METRN: variants seen among roughly 807,000 people sequenced by gnomAD.
METRN encodes the protein meteorin.
In METRN, 17 loss-of-function variants were observed where a neutral mutation model predicts 17.4. The observed-to-expected ratio is 0.98, with a 90% CI of 0.67 to 1.46. The LOEUF is 1.46. Ranked by LOEUF, METRN falls within the 40% of genes most tolerant of loss-of-function variation. METRN has a pLI of 0.00. For synonymous variants in METRN, 230 were observed against 210.8 expected (o/e 1.09, Z -0.79); for missense variants, 489 against 456.2 (o/e 1.07, Z -0.65).
rs531574768 is a variant in METRN at position 715,570 on chromosome 16, C to G, written c.105-14C>G. 1.1e-5 allele frequency: 14 copies of G among 1,323,224 alleles called. No homozygotes were observed. Among genetic ancestry groups the G allele is most frequent in the African/African-American group, 4.6e-5 (3 of 64,826 alleles). The allele number at this position is 1,323,224 out of a possible 1,614,324, so 82.0% of individuals were successfully genotyped here. On this transcript the variant is annotated splice_polypyrimidine_tract_variant and intron_variant, in intron 1 of 3. Coordinates refer to ENST00000568223, the MANE Select transcript of METRN (RefSeq NM_024042.4). Reference sequence around the variant, plus strand: ...CCGCCCCCGTCTCAGCGCCCCGTCCCGTCCTGTCCCCAGCGGCCTCACCCA... The same window carrying G: ...CCGCCCCCGTCTCAGCGCCCCGTCCGGTCCTGTCCCCAGCGGCCTCACCCA...
In METRN at chr16:717,724, T is replaced by A; in HGVS notation, c.*337T>A. On this transcript the variant is annotated 3_prime_UTR_variant, in exon 4 of 4. Transcript: ENST00000568223. ...CCTGCACTCATGCAAGCTTCTGCTC[T>A]GCTGCACCCACCAGCCCCGTCCTTG... 3.6e-6 allele frequency: 1 copy of A among 276,206 alleles called. No individual in the cohort carries two copies. Among genetic ancestry groups the A allele is most frequent in the Non-Finnish European group, 6.8e-6 (1 of 148,040 alleles). 17.1% of individuals were successfully genotyped at this position (276,206 alleles called of 1,614,324 possible).
In METRN at chr16:717,417, G is replaced by A; in HGVS notation, c.*30G>A. 8.0e-7 allele frequency: 1 copy of A among 1,245,292 alleles called. No individual in the cohort carries two copies. The highest frequency in any genetic ancestry group is 1.5e-5 in the African/African-American group (1 of 65,542). 77.1% of individuals were successfully genotyped at this position (1,245,292 alleles called of 1,614,324 possible). On this transcript the variant is annotated 3_prime_UTR_variant, in exon 4 of 4. Transcript: ENST00000568223. ...CTGGGTGCTGGGGAGGGGCTGGTAGGAGGGAGGGTGGGCCCACTGCTTTGG... is the reference window on the plus strand; with the variant it reads ...CTGGGTGCTGGGGAGGGGCTGGTAGAAGGGAGGGTGGGCCCACTGCTTTGG...
In METRN at chr16:717,236, T is replaced by C; in HGVS notation, c.731T>C (p.Val244Ala). 2 of 1,579,898 alleles carry C rather than the reference T, an allele frequency of 1.3e-6. No homozygotes were observed. Among genetic ancestry groups the C allele is most frequent in the South Asian group, 1.1e-5 (1 of 87,656 alleles). ...ATTCGTACCCCACTGCGCTGTGGCG[T>C]CCACCCGGGCCCAGGCACCTTCCTC... is the stretch of plus-strand genomic sequence containing the variant. ...TSIRTPLRCG[V>A]HPGPGTFLFM... Residue 244 changes from valine to alanine, a missense_variant, in exon 4 of 4, where the codon GTC (valine) becomes GCC (alanine). Coordinates refer to ENST00000568223, the MANE Select transcript of METRN (RefSeq NM_024042.4).
Position 717,164 on chromosome 16 carries a change from C to A in METRN, c.659C>A (p.Pro220Gln). 6.2e-7 allele frequency: 1 copy of A among 1,604,764 alleles called. No individual in the cohort carries two copies. Among genetic ancestry groups the A allele is most frequent in the Non-Finnish European group, 8.5e-7 (1 of 1,176,370 alleles). ...VVAARVLRQTPPLFQAGRSGD... is the reference protein window; with the variant it reads ...VVAARVLRQTQPLFQAGRSGD... ...GCCGCCCGTGTCCTCCGCCAGACAC[C>A]GCCGCTGTTCCAGGCGGGGCGATCC... Residue 220 changes from proline (P) to glutamine (Q), a missense_variant, in exon 4 of 4, where the codon CCG (proline) becomes CAG (glutamine). Physicochemically the swap from Pro to Gln is moderately conservative, Grantham distance 76. Transcript: ENST00000568223.
At position 717,066 on chromosome 16, in the gene METRN, C is replaced by T. The variant is rs1256709294; in HGVS notation, c.566-5C>T. The T allele has an allele frequency of 6.2e-7, 1 of 1,611,418 alleles. No homozygotes were observed. Among genetic ancestry groups the T allele is most frequent in the Non-Finnish European group, 8.5e-7 (1 of 1,179,152 alleles). ...TGCCTACCGCAGCCACATGCCTCCC[C>T]ACAGTAATTCACGGGATCATCCATG... On this transcript the variant is annotated splice_polypyrimidine_tract_variant and splice_region_variant and intron_variant, in intron 3 of 3. Transcript: ENST00000568223.
rs764726516 is a variant in METRN at position 715,941 on chromosome 16, G to A, written c.462G>A (p.Gly154=). Reference sequence around the variant, plus strand: ...TCCGCTTTGAGCTGCGCGAGGACGGGCGCCCCGAGCTGCCCCCGCAGGCCC... The same window carrying A: ...TCCGCTTTGAGCTGCGCGAGGACGGACGCCCCGAGCTGCCCCCGCAGGCCC... ...AAFRFELRED[G]RPELPPQAHG... Residue 154 remains glycine, a synonymous_variant, in exon 2 of 4, where the codon GGG becomes GGA. Coordinates refer to ENST00000568223, the MANE Select transcript of METRN (RefSeq NM_024042.4). 13 of 1,498,866 alleles carry A rather than the reference G, an allele frequency of 8.7e-6. No homozygotes were observed. Among genetic ancestry groups the A allele is most frequent in the Middle Eastern group, 1.7e-4 (1 of 5,806 alleles). 92.8% of individuals were successfully genotyped at this position (1,498,866 alleles called of 1,614,324 possible).
rs2040153771 is a variant in METRN at position 715,646 on chromosome 16, T to TACCCTGGCC, written c.167_168insACCCTGGCC (p.Val56_Glu57insProTrpPro). ...GCCCTGGCCTGTGCGGAGGGCGCGG[T>TACCCTGGCC]TGAGTGGCTGTACCCGGCTGGGGCG... On this transcript the variant is annotated inframe_insertion, in exon 2 of 4. Coordinates refer to ENST00000568223, the MANE Select transcript of METRN (RefSeq NM_024042.4). 26 of 1,436,416 alleles carry TACCCTGGCC rather than the reference T, an allele frequency of 1.8e-5. No homozygotes were observed. The highest frequency in any genetic ancestry group is 2.3e-5 in the Non-Finnish European group (25 of 1,100,550). The allele number at this position is 1,436,416 out of a possible 1,614,324, so 89.0% of individuals were successfully genotyped here.
At chr16:716,315 TC>T in intron 2 of METRN, 1 of 1,390,450 alleles carries the variant, frequency 7.2e-7, no homozygotes, top group South Asian at 1.7e-5. Flanking sequence ...TGTCCGGGGC[TC>T]CCTGGCCCAG....
Position 715,712 on chromosome 16 carries a change from C to T in METRN, c.233C>T (p.Pro78Leu). The change falls in exon 2 of 4, where the codon CCC becomes CTC. Residue 78 changes from proline to leucine, a missense_variant. Pro to Leu is a moderately conservative substitution (Grantham distance 98, BLOSUM62 -3). Transcript: ENST00000568223. Reference sequence around the variant, plus strand: ...GGCGGCCCCGATCCCAGAGCGCGGCCCGGCATCGCCTGTCTGCGGCCGGTG... The same window carrying T: ...GGCGGCCCCGATCCCAGAGCGCGGCTCGGCATCGCCTGTCTGCGGCCGGTG... ...TLGGPDPRARPGIACLRPVRP... is the reference protein window; with the variant it reads ...TLGGPDPRARLGIACLRPVRP... 1 of 1,371,876 alleles carries T rather than the reference C, an allele frequency of 7.3e-7. No individual in the cohort carries two copies. Among genetic ancestry groups the T allele is most frequent in the Non-Finnish European group, 9.4e-7 (1 of 1,065,938 alleles). The allele number at this position is 1,371,876 out of a possible 1,614,324, so 85.0% of individuals were successfully genotyped here.
rs531600041 is a variant in METRN at position 717,909 on chromosome 16, T to G, written c.*522T>G. 3.5e-3 allele frequency: 533 copies of G among 152,990 alleles called. 1 individual carries two copies. Among genetic ancestry groups the G allele is most frequent in the Non-Finnish European group, 5.4e-3 (371 of 68,568 alleles). The allele number at this position is 152,990 out of a possible 1,614,324, so 9.5% of individuals were successfully genotyped here. Reference sequence around the variant, plus strand: ...GCGCTCCGGCTCTGAGCCAGGCCTGTGAGGGAAGGGGCTGCAGGCTGGCAG... The same window carrying G: ...GCGCTCCGGCTCTGAGCCAGGCCTGGGAGGGAAGGGGCTGCAGGCTGGCAG... On this transcript the variant is annotated 3_prime_UTR_variant, in exon 4 of 4. Transcript: ENST00000568223.
chr16:719,640 C>T lies in METRN; in HGVS notation c.*2253C>T, dbSNP rs1311624378. ...TGGTGAAACCGTCTCTAATAAAACA[C>T]AAAAAATTAGCCAGACATGGTGGCA... On this transcript the variant is annotated 3_prime_UTR_variant, in exon 4 of 4. Transcript: ENST00000568223. 6.6e-6 allele frequency: 1 copy of T among 151,734 alleles called. No individual in the cohort carries two copies. Among genetic ancestry groups the T allele is most frequent in the African/African-American group, 2.4e-5 (1 of 41,318 alleles). 9.4% of individuals were successfully genotyped at this position (151,734 alleles called of 1,614,324 possible).
At position 719,026 on chromosome 16, in the gene METRN, G is replaced by C. The variant is rs12597195; in HGVS notation, c.*1639G>C. On this transcript the variant is annotated 3_prime_UTR_variant, in exon 4 of 4. Transcript: ENST00000568223. ...TCTTGGAGAGGCTTTCCCGTGGGCCGAGCAACCCCCTTACCTTTGGCACTT... is the reference window on the plus strand; with the variant it reads ...TCTTGGAGAGGCTTTCCCGTGGGCCCAGCAACCCCCTTACCTTTGGCACTT... The C allele has an allele frequency of 0.24, 36,504 of 152,250 alleles. 5,257 individuals carry two copies. Among genetic ancestry groups the C allele is most frequent in the East Asian group, 0.58 (3,002 of 5,158 alleles). 9.4% of individuals were successfully genotyped at this position (152,250 alleles called of 1,614,324 possible). A position where few individuals can be genotyped will look rare whatever the true frequency, so the allele number is the denominator to read the frequency against.
chr16:716,154 C>T (rs2040160222), intron 2 of METRN, 170 bp downstream of exon 2: 1 of 985,330 alleles, frequency 1.0e-6, no homozygotes, highest in African/African-American at 1.7e-5. Flanking sequence ...GGATGGCCTC[C>T]CCGCCCTCCC....
Position 717,659 on chromosome 16 carries a change from T to G in METRN, c.*272T>G. 30 of 352,216 alleles carry G rather than the reference T, an allele frequency of 8.5e-5. No individual in the cohort carries two copies. Among genetic ancestry groups the G allele is most frequent in the East Asian group, 1.3e-4 (3 of 22,608 alleles). The allele number at this position is 352,216 out of a possible 1,614,324, so 21.8% of individuals were successfully genotyped here. A position where few individuals can be genotyped will look rare whatever the true frequency, so the allele number is the denominator to read the frequency against. On this transcript the variant is annotated 3_prime_UTR_variant, in exon 4 of 4. Coordinates refer to ENST00000568223, the MANE Select transcript of METRN (RefSeq NM_024042.4). ...ATGTCAGGAGGAGCTACACCCACAT[T>G]CCGGGGAGGGGCCGCTGCTGGGTGG...
At chr16:716,695 G>A in intron 2 of METRN, 1 of 1,535,482 alleles carries the variant, frequency 6.5e-7, no homozygotes, top group Non-Finnish European at 8.7e-7. Flanking sequence ...GCCCACGTCT[G>A]TGTGCATTCC....
Position 718,147 on chromosome 16 carries a change from G to A in METRN, c.*760G>A, listed in dbSNP as rs1307866813. Reference sequence around the variant, plus strand: ...GCGGGGTGCACAATGGGGTCTCTAAGGACCGTTTCCCGCCACTGGCCCCAT... The same window carrying A: ...GCGGGGTGCACAATGGGGTCTCTAAAGACCGTTTCCCGCCACTGGCCCCAT... On this transcript the variant is annotated 3_prime_UTR_variant, in exon 4 of 4. Transcript: ENST00000568223. 1.3e-5 allele frequency: 2 copies of A among 152,286 alleles called. No individual in the cohort carries two copies. The highest frequency in any genetic ancestry group is 2.4e-5 in the African/African-American group (1 of 41,470). 9.4% of individuals were successfully genotyped at this position (152,286 alleles called of 1,614,324 possible). A position where few individuals can be genotyped will look rare whatever the true frequency, so the allele number is the denominator to read the frequency against.
rs371066325 is a variant in METRN at position 715,387 on chromosome 16, G to A, written c.98G>A (p.Arg33Lys). Reference protein sequence around the residue: ...AGYSEERCSWRGSGLTQEPGS... With the variant: ...AGYSEERCSWKGSGLTQEPGS... The stretch of plus-strand genomic sequence containing the variant: ...TACTCCGAGGAGCGCTGCAGCTGGA[G>A]GGGCAGGTACGGTCCGGGGGGCTGT... Residue 33 changes from arginine to lysine, a missense_variant, in exon 1 of 4, where the codon AGG (arginine) becomes AAG (lysine). Coordinates refer to ENST00000568223, the MANE Select transcript of METRN (RefSeq NM_024042.4). The A allele has an allele frequency of 7.7e-4, 1,025 of 1,327,244 alleles. 9 individuals are homozygous for A. In the African/African-American group the frequency reaches 0.014, roughly 18 times the overall value. The allele number at this position is 1,327,244 out of a possible 1,614,324, so 82.2% of individuals were successfully genotyped here. A position where few individuals can be genotyped will look rare whatever the true frequency, so the allele number is the denominator to read the frequency against.
At chr16:716,515 A>AC in intron 2 of METRN, 15 of 1,510,714 alleles carry the variant, frequency 9.9e-6, no homozygotes, top group Non-Finnish European at 1.3e-5. Context: ...TGGGCCAGGG[A>AC]CCCCAGACCA....
Position 717,363 on chromosome 16 carries a change from C to T in METRN, c.858C>T (p.His286=). 1 of 1,463,760 alleles carries T rather than the reference C, an allele frequency of 6.8e-7. No individual in the cohort carries two copies. The highest frequency in any genetic ancestry group is 9.0e-7 in the Non-Finnish European group (1 of 1,110,060). 90.7% of individuals were successfully genotyped at this position (1,463,760 alleles called of 1,614,324 possible). A position where few individuals can be genotyped will look rare whatever the true frequency, so the allele number is the denominator to read the frequency against. Residue 286 remains histidine, a synonymous_variant, in exon 4 of 4, where the codon CAC becomes CAT. Coordinates refer to ENST00000568223, the MANE Select transcript of METRN (RefSeq NM_024042.4). ...AYEAARAAHL[H]PCEVALH is the part of the protein sequence containing the mutation. Reference sequence around the variant, plus strand: ...AGGCTGCCCGTGCTGCCCACCTCCACCCCTGCGAGGTGGCGCTGCACTGAG... The same window carrying T: ...AGGCTGCCCGTGCTGCCCACCTCCATCCCTGCGAGGTGGCGCTGCACTGAG...
Sources: gnomAD v4.1 joint callset for allele counts on GRCh38, gnomAD v4.1.1 for gene constraint, MANE v1.5 for transcripts, NCBI Gene and HGNC (gene_info 2026-07-23, HGNC 2026-07-21) for gene names.